TMPO: variants seen among roughly 807,000 people sequenced by gnomAD.
TMPO encodes the protein thymopoietin, also known as LEM domain containing 4.
A neutral mutation model predicts 45.4 loss-of-function variants in TMPO; 22 were observed. That is an observed-to-expected ratio of 0.48 (90% CI 0.35 to 0.69). TMPO has a LOEUF of 0.69. Ranked by LOEUF, TMPO falls within the 30% of genes least tolerant of loss-of-function variation. The probability of loss-of-function intolerance (pLI) is 0.01; values close to 1 mark genes in which losing one functional copy is unlikely to be tolerated. For missense variants in TMPO, 512 were observed against 548.8 expected, an observed-to-expected ratio of 0.93 and a Z score of 0.67; for synonymous variants, 241 against 204.1, an observed-to-expected ratio of 1.18 and a Z score of -1.54.
At chr12:98,541,661 T>G (rs1459563558) in intron 4 of TMPO, among the ~76,000 whole-genome samples, 1 of 152,216 alleles carries the variant, frequency 6.6e-6, no homozygotes, top group African/African-American at 2.4e-5. Context: ...TAGGTTTTTT[T>G]GTTCTCTAAT....
rs1875726705 is a variant in TMPO at position 98,515,736 on chromosome 12, C to G, written c.-132C>G. 1.3e-6 allele frequency: 2 copies of G among 1,528,188 alleles called. No homozygotes were observed. The highest frequency in any genetic ancestry group is 4.9e-5 in the East Asian group (2 of 40,658). The allele number at this position is 1,528,188 out of a possible 1,614,324, so 94.7% of individuals were successfully genotyped here. A position where few individuals can be genotyped will look rare whatever the true frequency, so the allele number is the denominator to read the frequency against. ...TTTGTGTCCGCGAGTTTTTGTTCCG[C>G]TCCGCAGCGCTCTTCCCGGGCAGGA... On this transcript the variant is annotated 5_prime_UTR_variant, in exon 1 of 9. Coordinates refer to ENST00000556029, the MANE Select transcript of TMPO (RefSeq NM_001032283.3).
At chr12:98,535,355 A>G (rs1877506122) in intron 3 of TMPO, 1 of 985,042 alleles carries the variant, frequency 1.0e-6, no homozygotes, top group Admixed American at 6.2e-5. Flanking sequence ...TCATGTTTTC[A>G]TTTCTGTGAT....
intron 1 of TMPO, among the ~76,000 whole-genome samples, chr12:98,525,208 T>TG (rs1876676616): frequency 6.6e-6 from 1 of 152,178 alleles, no homozygotes; most frequent in Non-Finnish European, 1.5e-5. Context: ...TATTATGGTG[T>TG]GGGTTGCTTC....
At chr12:98,536,597 C>T (rs551134004) in intron 3 of TMPO, among the ~76,000 whole-genome samples, 86 of 152,222 alleles carry the variant, frequency 5.6e-4, no homozygotes, top group African/African-American at 1.9e-3. Context: ...GTGATCCGCC[C>T]ACCTCGGCCT....
chr12:98,527,571 G>T, intron 1 of TMPO: 1 of 201,640 alleles, frequency 5.0e-6, no homozygotes. Flanking sequence ...GTTACCCAAA[G>T]TCAGTTTTAC....
chr12:98,527,525 T>TAAA (rs145065353), intron 1 of TMPO: 10,012 of 158,680 alleles, frequency 0.063, 379 homozygotes, highest in Middle Eastern at 0.095. Context: ...CCTGTATCAT[T>TAAA]AAAAAAAAAA....
chr12:98,524,185 C>G (rs1026522618), intron 1 of TMPO, among the ~76,000 whole-genome samples: 11 of 152,312 alleles, frequency 7.2e-5, no homozygotes, highest in East Asian at 5.8e-4. Context: ...AATGCTGCAT[C>G]CAGATCACCT....
intron 4 of TMPO, among the ~76,000 whole-genome samples, chr12:98,539,314 C>CA (rs1435684717): frequency 1.3e-5 from 2 of 151,880 alleles, no homozygotes; most frequent in Non-Finnish European, 2.9e-5. Flanking sequence ...GTTTAGATGA[C>CA]AGGCAGAATT....
intron 2 of TMPO, among the ~76,000 whole-genome samples, chr12:98,528,797 G>GA (rs1480479013): frequency 1.3e-5 from 2 of 152,072 alleles, no homozygotes; most frequent in Non-Finnish European, 2.9e-5. Flanking sequence ...CATCTCTGCA[G>GA]AAAATTTTAA....
intron 4 of TMPO, among the ~76,000 whole-genome samples, chr12:98,540,540 G>A (rs1302971806): frequency 3.3e-5 from 5 of 152,036 alleles, no homozygotes; most frequent in Non-Finnish European, 2.9e-5. Flanking sequence ...CACCACGCCC[G>A]GCTAATTTTG....
Position 98,516,618 on chromosome 12 carries a change from C to G in TMPO, c.279+472C>G, listed in dbSNP as rs569018335. 63 of 894,354 alleles carry G rather than the reference C, an allele frequency of 7.0e-5. No homozygotes were observed. The Middle Eastern group carries it at 1.7e-3, about 24-fold the overall frequency. 55.4% of individuals were successfully genotyped at this position (894,354 alleles called of 1,614,324 possible). A position where few individuals can be genotyped will look rare whatever the true frequency, so the allele number is the denominator to read the frequency against. On this transcript the variant is annotated intron_variant, in intron 1 of 8. Coordinates refer to ENST00000556029, the MANE Select transcript of TMPO (RefSeq NM_001032283.3). ...AACTGATGACACTCTAATTTCTAACCAAAATTTGAAATGAGGAAATTCCCG... is the reference window on the plus strand; with the variant it reads ...AACTGATGACACTCTAATTTCTAACGAAAATTTGAAATGAGGAAATTCCCG...
rs1878439473 is a variant in TMPO at position 98,549,843 on chromosome 12, T to C, written c.*1985T>C. The C allele has an allele frequency of 6.6e-6, 1 of 152,168 alleles. No homozygotes were observed. The highest frequency in any genetic ancestry group is 2.1e-4 in the South Asian group (1 of 4,832). 9.4% of individuals were successfully genotyped at this position (152,168 alleles called of 1,614,324 possible). On this transcript the variant is annotated 3_prime_UTR_variant, in exon 9 of 9. Coordinates refer to ENST00000556029, the MANE Select transcript of TMPO (RefSeq NM_001032283.3). ...TTGAGACCAGAAAGACTTGTAGGTC[T>C]TTCTGCAGAATGAGTGGGTCCTTGC...
At chr12:98,547,430 C>G (rs368465721) in intron 8 of TMPO, 143 bp from the exon 9 acceptor site, 3 of 953,308 alleles carry the variant, frequency 3.1e-6, no homozygotes, top group Admixed American at 2.5e-5. Context: ...TGACTGACCT[C>G]ACTGCTTTAT....
At position 98,547,822 on chromosome 12, in the gene TMPO, T is replaced by A; in HGVS notation, c.1329T>A (p.Ser443=). The change falls in exon 9 of 9, where the codon TCT becomes TCA. Residue 443 remains serine, a synonymous_variant. Coordinates refer to ENST00000556029, the MANE Select transcript of TMPO (RefSeq NM_001032283.3). ...AAACCAACCAAGTAAATCCCTTCTC[T>A]AATTTTCTTCATGTTGACCCTAGAA... ...AMETNQVNPF[S]NFLHVDPRKS... 1 of 1,614,092 alleles carries A rather than the reference T, an allele frequency of 6.2e-7. No individual in the cohort carries two copies. Among genetic ancestry groups the A allele is most frequent in the Non-Finnish European group, 8.5e-7 (1 of 1,180,026 alleles).
Position 98,527,816 on chromosome 12 carries a change from T to TA in TMPO, c.280-69dup, listed in dbSNP as rs1257065291. The TA allele has an allele frequency of 2.1e-5, 33 of 1,578,434 alleles. No homozygotes were observed. The East Asian group carries it at 5.6e-4, about 27-fold the overall frequency. On this transcript the variant is annotated intron_variant, in intron 1 of 8. Transcript: ENST00000556029. ...TGGTAGTGAGTTTGCATGTTTATGT[T>TA]ATACAGGTTATTATCTAGTAAGTGA...
rs1454419274 is a variant in TMPO, at chr12:98,515,779, C to A, written c.-89C>A. On this transcript the variant is annotated 5_prime_UTR_variant, in exon 1 of 9. Coordinates refer to ENST00000556029, the MANE Select transcript of TMPO (RefSeq NM_001032283.3). ...GGGCAGGAGCCGTGAGGCTCGGAGG[C>A]GGCAGCGCGGTCCCCGGCCAGGAGC... The A allele has an allele frequency of 1.0e-5, 16 of 1,549,100 alleles. No individual in the cohort carries two copies. Among genetic ancestry groups the A allele is most frequent in the Non-Finnish European group, 1.0e-5 (12 of 1,147,232 alleles).
chr12:98,536,866 T>G (rs553506623), intron 3 of TMPO, among the ~76,000 whole-genome samples: 1 of 152,322 alleles, frequency 6.6e-6, no homozygotes, highest in East Asian at 1.9e-4. Context: ...TGACCTGTGA[T>G]TGGTCGTATT....
Position 98,532,991 on chromosome 12 carries a change from A to T in TMPO, c.565+1153A>T. 1 of 1,614,150 alleles carries T rather than the reference A, an allele frequency of 6.2e-7. No individual in the cohort carries two copies. ...GAACTACAGGCAGCTAAGAAAGTAC[A>T]TACTTCTAAGGGAGACCTACCTAGG... is the stretch of plus-strand genomic sequence containing the variant. On this transcript the variant is annotated intron_variant, in intron 3 of 8. Coordinates refer to ENST00000556029, the MANE Select transcript of TMPO (RefSeq NM_001032283.3).
intron 1 of TMPO, among the ~76,000 whole-genome samples, chr12:98,523,699 G>C (rs532158926): frequency 1.3e-5 from 2 of 151,618 alleles, no homozygotes; most frequent in Non-Finnish European, 2.9e-5. Flanking sequence ...TTCTTTAGGC[G>C]AAGTCTGGCC....
Sources: allele counts gnomAD v4.1 joint callset (sites outside exome capture counted in the v4.1 genomes callset), GRCh38; gene constraint gnomAD v4.1.1; transcripts MANE v1.5; gene names NCBI Gene and HGNC (gene_info 2026-07-23, HGNC 2026-07-21).